ADCY7: variants seen among roughly 807,000 people sequenced by gnomAD.
The protein encoded by ADCY7 is adenylate cyclase type 7.
Under a neutral mutation model 120.6 loss-of-function variants are expected in ADCY7, and 72 were observed. The observed-to-expected ratio is 0.60, with a 90% confidence interval of 0.49 to 0.73. ADCY7 has a LOEUF of 0.73. Among genes scored for constraint, ADCY7 ranks in the 30% least tolerant of loss-of-function variants. The pLI, the probability that ADCY7 is intolerant of heterozygous loss-of-function variation, is 0.00. For synonymous variants in ADCY7, 661 were observed against 628.0 expected, an observed-to-expected ratio of 1.05 and a Z score of -0.78; for missense variants, 1,227 against 1,486.0, an observed-to-expected ratio of 0.83 and a Z score of 2.87.
intron 1 of ADCY7, among the ~76,000 whole-genome samples, chr16:50,251,279 A>T (rs1388555741): frequency 6.6e-6 from 1 of 152,118 alleles, no homozygotes; most frequent in African/African-American, 2.4e-5. Context: ...AGCCTGTCTT[A>T]TGAGATTGTG....
At chr16:50,263,653 T>C (rs117579223), upstream of ADCY7, among the ~76,000 whole-genome samples, 176 of 152,192 alleles carry the variant, frequency 1.2e-3, 1 homozygote, top group East Asian at 0.014. Context: ...CCCCCTCCTG[T>C]GTCCAGGCAT....
intron 1 of ADCY7, among the ~76,000 whole-genome samples, chr16:50,250,259 C>G (rs981495397): frequency 7.2e-5 from 11 of 152,010 alleles, no homozygotes; most frequent in Admixed American, 1.3e-4. Flanking sequence ...AGTTCGTGAC[C>G]AGCCTGGCCA....
intron 21 of ADCY7, among the ~76,000 whole-genome samples, chr16:50,312,499 T>C (rs1425467386): frequency 6.6e-6 from 1 of 152,154 alleles, no homozygotes; most frequent in African/African-American, 2.4e-5. Context: ...TGTTCAGGGG[T>C]TTGTGATCTG....
chr16:50,283,598 CCCT>C (rs1325298252), intron 1 of ADCY7, among the ~76,000 whole-genome samples: 1 of 152,230 alleles, frequency 6.6e-6, no homozygotes, highest in Non-Finnish European at 1.5e-5. Context: ...GCATGAAATA[CCCT>C]CCTCCCATGT....
intron 11 of ADCY7, 32 bp downstream of exon 11, chr16:50,304,583 A>C: frequency 6.6e-7 from 1 of 1,513,514 alleles, no homozygotes; most frequent in South Asian, 1.3e-5. Context: ...AAAGCCAGGG[A>C]TTGGGGCCCC....
intron 15 of ADCY7, among the ~76,000 whole-genome samples, chr16:50,307,772 A>G (rs1368017932): frequency 6.6e-6 from 1 of 152,122 alleles, no homozygotes; most frequent in Admixed American, 6.5e-5. Context: ...CTGCGGGGCG[A>G]ATCACTCGAG....
Position 50,288,205 on chromosome 16 carries a change from TCAACGAGGG to T in ADCY7, c.28_36del (p.Asn10_Gly12del). On this transcript the variant is annotated inframe_deletion, in exon 2 of 26. Transcript: ENST00000673801. ...ATGCCAGCCAAGGGGCGCTACTTCC[TCAACGAGGG>T]CGAGGAGGGCCCTGACCAAGATGCG... The T allele has an allele frequency of 1.3e-6, 2 of 1,550,804 alleles. No homozygotes were observed. Among genetic ancestry groups the T allele is most frequent in the Non-Finnish European group, 1.7e-6 (2 of 1,146,710 alleles).
chr16:50,267,441 A>T (rs535357452), intron 1 of ADCY7, among the ~76,000 whole-genome samples: 1 of 152,202 alleles, frequency 6.6e-6, no homozygotes, highest in East Asian at 1.9e-4. Flanking sequence ...GGGAGGGGGA[A>T]GCCAAGGGCC....
rs376934718 is a variant in ADCY7, at chr16:50,290,538, G to A, written c.253G>A (p.Val85Ile). 1.6e-5 allele frequency: 26 copies of A among 1,614,110 alleles called. No homozygotes were observed. In the African/African-American group the frequency reaches 2.1e-4, roughly 13 times the overall value. The change falls in exon 3 of 26, where the codon GTC becomes ATC. Residue 85 changes from valine to isoleucine, a missense_variant. By Grantham distance (29) the Val-to-Ile change is conservative. Coordinates refer to ENST00000673801, the MANE Select transcript of ADCY7 (RefSeq NM_001114.5). ...TGCGGCCCTCTCTGTGCTGATGTAC[G>A]TCGAGTGTCTCCTGCGGCGCTGGCT... is the stretch of plus-strand genomic sequence containing the variant. ...VFAALSVLMY[V>I]ECLLRRWLRA...
rs1306853543 is a variant in ADCY7, at chr16:50,315,738, AAC to A, written c.*235_*236del. Reference sequence around the variant, plus strand: ...GCCAGAAGCTCTGTGCCTGGTCTGTAACAGTTTCCAGGCCAGCTGGAGAATGT... The same window carrying A: ...GCCAGAAGCTCTGTGCCTGGTCTGTAAGTTTCCAGGCCAGCTGGAGAATGT... On this transcript the variant is annotated 3_prime_UTR_variant, in exon 26 of 26. Coordinates refer to ENST00000673801, the MANE Select transcript of ADCY7 (RefSeq NM_001114.5). 5 of 467,578 alleles carry A rather than the reference AAC, an allele frequency of 1.1e-5. No homozygotes were observed. Among genetic ancestry groups the A allele is most frequent in the African/African-American group, 5.8e-5 (3 of 51,494 alleles). The allele number at this position is 467,578 out of a possible 1,614,324, so 29.0% of individuals were successfully genotyped here.
chr16:50,261,419 A>G (rs2033054086), intron 1 of ADCY7, among the ~76,000 whole-genome samples: 1 of 152,102 alleles, frequency 6.6e-6, no homozygotes, highest in Non-Finnish European at 1.5e-5. Context: ...TGGAAAAGTG[A>G]GTTGGGCCAG....
At chr16:50,260,406 T>G (rs1817449963) in intron 1 of ADCY7, among the ~76,000 whole-genome samples, 1 of 152,122 alleles carries the variant, frequency 6.6e-6, no homozygotes, top group Non-Finnish European at 1.5e-5. Context: ...GACTTGAGAC[T>G]TTGTGGGGAT....
chr16:50,282,064 GC>G (rs909546457), intron 1 of ADCY7, among the ~76,000 whole-genome samples: 15 of 152,222 alleles, frequency 9.9e-5, no homozygotes, highest in African/African-American at 2.2e-4. Context: ...AGGCTTCCAT[GC>G]CCCCCTCACT....
chr16:50,244,956 A>G (rs1362675517), upstream of ADCY7, among the ~76,000 whole-genome samples: 1 of 152,016 alleles, frequency 6.6e-6, no homozygotes, highest in Non-Finnish European at 1.5e-5. Flanking sequence ...CTCAGGTGGG[A>G]CCTCTCTGTG....
intron 1 of ADCY7, among the ~76,000 whole-genome samples, chr16:50,279,028 C>T (rs1324805861): frequency 6.6e-6 from 1 of 152,140 alleles, no homozygotes; most frequent in African/African-American, 2.4e-5. Context: ...CGCACCACCA[C>T]CTTGGGCTCA....
intron 10 of ADCY7, 34 bp from the exon 11 acceptor site, chr16:50,304,326 G>A: frequency 1.4e-6 from 2 of 1,411,994 alleles, no homozygotes; most frequent in African/African-American, 1.5e-5. Flanking sequence ...GAGGGGAGGA[G>A]GTGGCACAGG....
In ADCY7 at chr16:50,312,021, T is replaced by G. The variant is rs1163870738; in HGVS notation, c.2449-15T>G. 6.2e-7 allele frequency: 1 copy of G among 1,613,786 alleles called. No individual in the cohort carries two copies. Among genetic ancestry groups the G allele is most frequent in the Non-Finnish European group, 8.5e-7 (1 of 1,179,684 alleles). ...TTGCCTGTGGACGGGGCGCTTATGT[T>G]GCTGCCGTTTGCAGATTGACTATTA... On this transcript the variant is annotated splice_polypyrimidine_tract_variant and intron_variant, in intron 20 of 25. Coordinates refer to ENST00000673801, the MANE Select transcript of ADCY7 (RefSeq NM_001114.5).
At chr16:50,308,548 G>C in intron 16 of ADCY7, 119 bp from the exon 17 acceptor site, 1 of 1,550,908 alleles carries the variant, frequency 6.4e-7, no homozygotes, top group Non-Finnish European at 8.7e-7. Flanking sequence ...CTGCCTCGGG[G>C]ACAATTTCCT....
rs773039135 is a variant in ADCY7, at chr16:50,308,282, G to T, written c.1851-45G>T. The T allele has an allele frequency of 2.5e-6, 4 of 1,614,046 alleles. No homozygotes were observed. In the Middle Eastern group the frequency reaches 6.6e-4, roughly 266 times the overall value. ...AGGATTGGTGGGGGCGGTGGTCCTG[G>T]GCAGAAGGCCCTAGGCAGAACTGAG... On this transcript the variant is annotated intron_variant, in intron 15 of 25. Coordinates refer to ENST00000673801, the MANE Select transcript of ADCY7 (RefSeq NM_001114.5).
Sources: allele counts gnomAD v4.1 joint callset (sites outside exome capture counted in the v4.1 genomes callset), GRCh38; gene constraint gnomAD v4.1.1; transcripts MANE v1.5; gene names NCBI Gene and HGNC (gene_info 2026-07-23, HGNC 2026-07-21).